The following DLGAP2 variants were observed in gnomAD, a reference collection of about 807,000 sequenced individuals.
DLGAP2 encodes DLG associated protein 2, also known as disks large-associated protein 2.
A neutral mutation model predicts 100.3 loss-of-function variants in DLGAP2; 26 were observed. The ratio of observed to expected loss-of-function variants is 0.26; its 90% CI spans 0.19 to 0.36. The LOEUF (loss-of-function observed/expected upper bound fraction) is 0.36, where lower values mean the gene tolerates loss of function less well. Ranked by LOEUF, DLGAP2 falls within the 10% of genes least tolerant of loss-of-function variation. The probability of loss-of-function intolerance (pLI) is 1.00; values close to 1 mark genes in which losing one functional copy is unlikely to be tolerated. For synonymous variants in DLGAP2, 886 were observed against 630.1 expected (o/e 1.41, Z -6.08); for missense variants, 1,858 against 1,453.2 (o/e 1.28, Z -4.53).
intron 3 of DLGAP2, among the ~76,000 whole-genome samples, chr8:1,392,637 G>T (rs1032638362): frequency 1.3e-5 from 2 of 152,202 alleles, no homozygotes; most frequent in African/African-American, 4.8e-5. Context: ...GTGGAAACCC[G>T]TGGGGAGTCC....
intron 2 of DLGAP2, among the ~76,000 whole-genome samples, chr8:996,633 C>T (rs1800792034): frequency 6.6e-6 from 1 of 152,158 alleles, no homozygotes; most frequent in Admixed American, 6.5e-5. Flanking sequence ...AGGATCTTTG[C>T]AGAAGGTTTT....
chr8:1,182,684 C>T (rs77114754), intron 2 of DLGAP2, among the ~76,000 whole-genome samples: 11,292 of 152,256 alleles, frequency 0.074, 495 homozygotes, highest in South Asian at 0.14. Flanking sequence ...TGCCGTAGGT[C>T]ACTGAGTCTG....
intron 2 of DLGAP2, among the ~76,000 whole-genome samples, chr8:1,214,341 G>A (rs945181098): frequency 3.9e-5 from 6 of 152,344 alleles, no homozygotes; most frequent in South Asian, 2.1e-4. Flanking sequence ...TCGTTTTTCC[G>A]TGAGCAGCCC....
intron 3 of DLGAP2, among the ~76,000 whole-genome samples, chr8:1,451,606 C>T (rs906578606): frequency 3.3e-5 from 5 of 152,132 alleles, no homozygotes; most frequent in African/African-American, 1.2e-4. Context: ...TCACATGTCC[C>T]CTCCTGGCTT....
intron 3 of DLGAP2, among the ~76,000 whole-genome samples, chr8:1,284,662 C>T (rs1362933725): frequency 1.3e-5 from 2 of 152,178 alleles, no homozygotes; most frequent in Non-Finnish European, 2.9e-5. Context: ...TGCTCTGTCA[C>T]CCAGGTTGGA....
At chr8:1,175,867 G>A (rs1563231973) in intron 2 of DLGAP2, among the ~76,000 whole-genome samples, 1 of 152,182 alleles carries the variant, frequency 6.6e-6, no homozygotes, top group Non-Finnish European at 1.5e-5. Flanking sequence ...TTAAAACCCT[G>A]TGCCCGTTGT....
intron 3 of DLGAP2, among the ~76,000 whole-genome samples, chr8:1,307,373 G>C (rs954589814): frequency 6.6e-6 from 1 of 152,196 alleles, no homozygotes; most frequent in Admixed American, 6.5e-5. Flanking sequence ...AAAAGAACAG[G>C]TGTTGGCAAG....
chr8:765,289 A>G (rs1042506136), intron 1 of DLGAP2, among the ~76,000 whole-genome samples: 1 of 152,230 alleles, frequency 6.6e-6, no homozygotes, highest in African/African-American at 2.4e-5. Context: ...TGATCTGATA[A>G]TGTATCAATG....
intron 3 of DLGAP2, among the ~76,000 whole-genome samples, chr8:1,289,536 C>A (rs1043783799): frequency 3.9e-5 from 6 of 152,212 alleles, no homozygotes; most frequent in Admixed American, 2.6e-4. Flanking sequence ...TCATACCTTG[C>A]TCCTTTCGTT....
chr8:1,100,762 A>T (rs1051948597), intron 2 of DLGAP2, among the ~76,000 whole-genome samples: 7 of 152,194 alleles, frequency 4.6e-5, no homozygotes, highest in African/African-American at 1.7e-4. Flanking sequence ...CGCAGGACAG[A>T]GTTTTGTAAG....
chr8:1,256,847 C>T (rs1451753357), intron 2 of DLGAP2, among the ~76,000 whole-genome samples: 1 of 152,112 alleles, frequency 6.6e-6, no homozygotes, highest in Non-Finnish European at 1.5e-5. Context: ...GCTGGCTGCC[C>T]CGTGTCCCCT....
chr8:1,348,080 T>C (rs1801609093), intron 3 of DLGAP2, among the ~76,000 whole-genome samples: 1 of 151,256 alleles, frequency 6.6e-6, no homozygotes, highest in Non-Finnish European at 1.5e-5. Flanking sequence ...GGTAACTGTC[T>C]GGAGGCTGAG....
chr8:1,027,549 C>G (rs1801840413), intron 2 of DLGAP2, among the ~76,000 whole-genome samples: 2 of 147,512 alleles, frequency 1.4e-5, no homozygotes, highest in Admixed American at 1.3e-4. Context: ...CCATTATTCT[C>G]CAGGTGGGGT....
intron 2 of DLGAP2, among the ~76,000 whole-genome samples, chr8:1,130,412 A>G (rs1311325140): frequency 3.9e-5 from 6 of 152,228 alleles, no homozygotes; most frequent in Non-Finnish European, 7.3e-5. Flanking sequence ...AAGTAAAACA[A>G]TATCAACAAG....
chr8:1,136,281 G>A (rs941648180), intron 2 of DLGAP2, among the ~76,000 whole-genome samples: 7 of 150,176 alleles, frequency 4.7e-5, no homozygotes, highest in African/African-American at 7.3e-5. Context: ...ATTTACCAGC[G>A]AATAGACTTC....
At chr8:856,171 A>ATCTTCTTCTTCTTCTTCTTCT (rs55832882) in intron 1 of DLGAP2, among the ~76,000 whole-genome samples, 12 of 126,590 alleles carry the variant, frequency 9.5e-5, no homozygotes, top group African/African-American at 3.1e-4. Context: ...TAGTGGAAAA[A>ATCTTCTTCTTCTTCTTCTTCT]TCTTCTTCTT....
At chr8:1,140,910 G>A (rs772441984) in intron 2 of DLGAP2, among the ~76,000 whole-genome samples, 16 of 152,224 alleles carry the variant, frequency 1.1e-4, no homozygotes, top group Non-Finnish European at 2.1e-4. Context: ...CTTGAACCGG[G>A]GGGTGGAGGT....
intron 2 of DLGAP2, among the ~76,000 whole-genome samples, chr8:1,231,184 A>T (rs749293678): frequency 1.3e-5 from 2 of 152,236 alleles, no homozygotes; most frequent in Non-Finnish European, 2.9e-5. Flanking sequence ...GACAAAAGAC[A>T]TAAACAGACA....
intron 1 of DLGAP2, among the ~76,000 whole-genome samples, chr8:777,503 C>T (rs1170138780): frequency 1.3e-5 from 2 of 151,762 alleles, no homozygotes; most frequent in African/African-American, 4.8e-5. Flanking sequence ...TGTTCCTTTC[C>T]ATGTTTAGCG....
Sources: allele counts gnomAD v4.1 joint callset (sites outside exome capture counted in the v4.1 genomes callset), GRCh38; gene constraint gnomAD v4.1.1; transcripts MANE v1.5; gene names NCBI Gene and HGNC (gene_info 2026-07-23, HGNC 2026-07-21).